BIRC6: variants seen among roughly 807,000 people sequenced by gnomAD.
BIRC6 encodes the protein baculoviral IAP repeat containing 6, also known as dual E2 ubiquitin-conjugating enzyme/E3 ubiquitin-protein ligase BIRC6.
A neutral mutation model predicts 503.3 loss-of-function variants in BIRC6; 98 were observed. The observed-to-expected ratio is 0.19, with a 90% CI of 0.17 to 0.23. BIRC6 has a LOEUF of 0.23. Among genes scored for constraint, BIRC6 ranks in the 10% least tolerant of loss-of-function variants. The probability of loss-of-function intolerance (pLI) is 1.00; values close to 1 mark genes in which losing one functional copy is unlikely to be tolerated. For missense variants in BIRC6, 5,360 were observed against 5,806.0 expected (o/e 0.92, Z 2.50); for synonymous variants, 2,240 against 2,078.7 (o/e 1.08, Z -2.11).
intron 21 of BIRC6, among the ~76,000 whole-genome samples, chr2:32,448,543 C>T (rs566604586): frequency 0.02 from 3,053 of 151,092 alleles, 50 homozygotes; most frequent in South Asian, 0.066. Context: ...GGCAGGCACT[C>T]GGCAGGCTGA....
intron 8 of BIRC6, among the ~76,000 whole-genome samples, chr2:32,402,262 A>G (rs959811385): frequency 6.6e-6 from 1 of 152,188 alleles, no homozygotes; most frequent in Non-Finnish European, 1.5e-5. Context: ...TTGTTTCCTA[A>G]GAACCACTGT....
rs868454889 is a variant in BIRC6 at position 32,406,523 on chromosome 2, C to A, written c.1443C>A (p.Asp481Glu). 2 of 1,609,764 alleles carry A rather than the reference C, an allele frequency of 1.2e-6. No individual in the cohort carries two copies. Among genetic ancestry groups the A allele is most frequent in the African/African-American group, 1.3e-5 (1 of 74,758 alleles). Residue 481 changes from aspartate (D) to glutamate (E), a missense_variant, in exon 9 of 74, where the codon GAC becomes GAA. By Grantham distance (45) the Asp-to-Glu change is conservative (BLOSUM62 2). This residue lies in a region of BIRC6 where 700 missense variants were observed against 739.3 expected (regional missense o/e 0.95). Coordinates refer to ENST00000421745, the MANE Select transcript of BIRC6 (RefSeq NM_016252.4). The stretch of plus-strand genomic sequence containing the variant: ...GTGATGATTTACTGGAGGATTCAGA[C>A]AGTGAAGAGCATTCCAGATCAGATT... ...GDSDDLLEDS[D>E]SEEHSRSDSV...
intron 1 of BIRC6, among the ~76,000 whole-genome samples, chr2:32,368,094 G>C (rs1464667397): frequency 6.6e-6 from 1 of 152,174 alleles, no homozygotes; most frequent in Non-Finnish European, 1.5e-5. Context: ...TGTTCATTTA[G>C]AATCATCAGG....
Position 32,531,414 on chromosome 2 carries a change from T to C in BIRC6, c.12154T>C (p.Cys4052Arg). The C allele has an allele frequency of 6.2e-7, 1 of 1,613,922 alleles. No individual in the cohort carries two copies. Among genetic ancestry groups the C allele is most frequent in the South Asian group, 1.1e-5 (1 of 91,076 alleles). ...EDEALTPGDE[C>R]MDGILDESLL... ...TGAGGCTCTCACTCCAGGTGATGAA[T>C]GCATGGATGGGATACTGGATGAATC... The change falls in exon 61 of 74, where the codon TGC (cysteine) becomes CGC (arginine). Residue 4052 changes from cysteine (C) to arginine (R), a missense_variant. Physicochemically the swap from Cys to Arg is radical, Grantham distance 180. Coordinates refer to ENST00000421745, the MANE Select transcript of BIRC6 (RefSeq NM_016252.4).
At chr2:32,367,645 G>A (rs557308650) in intron 1 of BIRC6, among the ~76,000 whole-genome samples, 10 of 151,578 alleles carry the variant, frequency 6.6e-5, no homozygotes, top group South Asian at 4.2e-4. Flanking sequence ...GTGAAACCCC[G>A]TCTCTACTAA....
intron 40 of BIRC6, among the ~76,000 whole-genome samples, chr2:32,487,248 A>C (rs950979809): frequency 6.6e-6 from 1 of 152,184 alleles, no homozygotes; most frequent in Non-Finnish European, 1.5e-5. Context: ...AGATGATTCT[A>C]ATCTATAGTC....
intron 34 of BIRC6, among the ~76,000 whole-genome samples, chr2:32,477,039 C>T (rs774800518): frequency 6.6e-6 from 1 of 152,108 alleles, no homozygotes; most frequent in South Asian, 2.1e-4. Context: ...TACCTTCAAG[C>T]TTTTACAAAT....
chr2:32,487,529 T>G (rs1221185034), intron 40 of BIRC6, 118 bp from the exon 41 acceptor site: 2 of 877,562 alleles, frequency 2.3e-6, no homozygotes, highest in Non-Finnish European at 3.4e-6. Flanking sequence ...TTTGAACCAT[T>G]CTAAAGAATG....
intron 46 of BIRC6, among the ~76,000 whole-genome samples, chr2:32,500,543 G>A (rs537177060): frequency 1.3e-5 from 2 of 150,914 alleles, no homozygotes; most frequent in African/African-American, 4.9e-5. Context: ...TCAGCCTACC[G>A]AGTAGCTGGG....
chr2:32,420,340 G>C (rs1246906501), intron 10 of BIRC6, among the ~76,000 whole-genome samples: 3 of 152,042 alleles, frequency 2.0e-5, no homozygotes, highest in Non-Finnish European at 4.4e-5. Flanking sequence ...TTTGGGCCCA[G>C]AGATTTTTTT....
intron 26 of BIRC6, among the ~76,000 whole-genome samples, chr2:32,466,447 C>G (rs2148918964): frequency 6.6e-6 from 1 of 152,220 alleles, no homozygotes; most frequent in East Asian, 1.9e-4. Context: ...ATTAGAGGAC[C>G]TTCCCAAGGC....
chr2:32,575,115 T>C (rs376923221), intron 65 of BIRC6, 41 bp from the exon 66 acceptor site: 37 of 1,594,908 alleles, frequency 2.3e-5, no homozygotes, highest in Non-Finnish European at 2.8e-5. Flanking sequence ...TTTTATATTG[T>C]ACATTTGCTC....
At chr2:32,524,043 T>TAAA (rs72216981) in intron 57 of BIRC6, among the ~76,000 whole-genome samples, 1 of 143,718 alleles carries the variant, frequency 7.0e-6, no homozygotes, top group Non-Finnish European at 1.5e-5. Context: ...GACCTTATCT[T>TAAA]AAAAAAAAAA....
In BIRC6 at chr2:32,462,254, A is replaced by G. The variant is rs116419698; in HGVS notation, c.4754-940A>G. ...ATTTATGCTGTTATTAAACTTGGCAACTACCTTTTGTTTTGTGCTGACATA... is the reference window on the plus strand; with the variant it reads ...ATTTATGCTGTTATTAAACTTGGCAGCTACCTTTTGTTTTGTGCTGACATA... On this transcript the variant is annotated intron_variant, in intron 23 of 73. Coordinates refer to ENST00000421745, the MANE Select transcript of BIRC6 (RefSeq NM_016252.4). Among the ~76,000 whole-genome samples the G allele has an allele frequency of 7.4e-3, 1,135 of 152,352 alleles. 8 individuals carry two copies. The highest frequency in any genetic ancestry group is 0.02 in the Middle Eastern group (6 of 294).
At chr2:32,411,193 C>A (rs138288667) in intron 9 of BIRC6, among the ~76,000 whole-genome samples, 1 of 151,728 alleles carries the variant, frequency 6.6e-6, no homozygotes, top group Non-Finnish European at 1.5e-5. Flanking sequence ...CACATGCCAC[C>A]ACGCTTGGCT....
chr2:32,505,812 G>A (rs2053731589), intron 50 of BIRC6, among the ~76,000 whole-genome samples: 1 of 151,914 alleles, frequency 6.6e-6, no homozygotes, highest in African/African-American at 2.4e-5. Context: ...TCACTTAAGA[G>A]CGTGAACTCT....
intron 65 of BIRC6, chr2:32,563,676 A>G (rs1470332602): frequency 6.6e-6 from 1 of 152,220 alleles, no homozygotes; most frequent in Non-Finnish European, 1.5e-5. Flanking sequence ...GGTACCCTTC[A>G]GTTCACCCAT....
chr2:32,358,767 A>G (rs1021727327), intron 1 of BIRC6, among the ~76,000 whole-genome samples: 1 of 152,234 alleles, frequency 6.6e-6, no homozygotes, highest in African/African-American at 2.4e-5. Flanking sequence ...GATTATGTAT[A>G]GTTTCAGGAT....
At chr2:32,446,389 A>G (rs896598451) in intron 21 of BIRC6, among the ~76,000 whole-genome samples, 1 of 152,228 alleles carries the variant, frequency 6.6e-6, no homozygotes, top group Non-Finnish European at 1.5e-5. Flanking sequence ...AGCAATAGCA[A>G]AAGGTTAGAT....
Sources: allele counts gnomAD v4.1 joint callset (sites outside exome capture counted in the v4.1 genomes callset), GRCh38; gene constraint gnomAD v4.1.1; regional missense constraint gnomAD v4.1.1; transcripts MANE v1.5; gene names NCBI Gene and HGNC (gene_info 2026-07-23, HGNC 2026-07-21).